BRWD1: variants seen among roughly 807,000 people sequenced by gnomAD.
The protein encoded by BRWD1 is bromodomain and WD repeat-containing protein 1.
Under a neutral mutation model 251.2 loss-of-function variants are expected in BRWD1, and 82 were observed. That is an observed-to-expected ratio of 0.33 (90% CI 0.27 to 0.39). The LOEUF is 0.39. Ranked by LOEUF, BRWD1 falls within the 10% of genes least tolerant of loss-of-function variation. The pLI is 1.00. For synonymous variants in BRWD1, 918 were observed against 902.8 expected (o/e 1.02, Z -0.30); for missense variants, 2,233 against 2,711.6 (o/e 0.82, Z 3.92).
Position 39,215,276 on chromosome 21 carries a change from G to A in BRWD1, c.3746C>T (p.Ser1249Leu), listed in dbSNP as rs771505478. ...AAGTTGGTCAGTTATCTTTTTAGCTGATCTTGCAATTACACTCTCAGGTTC... is the reference window on the plus strand; with the variant it reads ...AAGTTGGTCAGTTATCTTTTTAGCTAATCTTGCAATTACACTCTCAGGTTC... ...FNEPESVIAR[S>L]AKKITDQLLK... The change falls in exon 32 of 41, where the codon TCA becomes TTA. Residue 1249 changes from serine to leucine, a missense_variant. Physicochemically the swap from Ser to Leu is moderately radical, Grantham distance 145. Around this residue, in one of 12 missense-constraint regions of BRWD1, gnomAD observed 167 missense variants for 183.2 expected, o/e 0.91. Transcript: ENST00000342449. 2.5e-6 allele frequency: 4 copies of A among 1,612,274 alleles called. No individual in the cohort carries two copies. The highest frequency in any genetic ancestry group is 1.3e-5 in the African/African-American group (1 of 74,830).
chr21:39,290,371 C>T (rs180798039), intron 8 of BRWD1, among the ~76,000 whole-genome samples: 3 of 152,026 alleles, frequency 2.0e-5, no homozygotes, highest in Non-Finnish European at 2.9e-5. Flanking sequence ...TGCCTGTAGC[C>T]CCAGCTACTC....
At position 39,277,236 on chromosome 21, in the gene BRWD1, A is replaced by G; in HGVS notation, c.1104+15T>C. The G allele has an allele frequency of 6.4e-7, 1 of 1,573,578 alleles. No individual in the cohort carries two copies. The highest frequency in any genetic ancestry group is 8.7e-7 in the Non-Finnish European group (1 of 1,148,346). On this transcript the variant is annotated intron_variant, in intron 11 of 40. Transcript: ENST00000342449. ...TAACAATTAATCTAAAGGATTTTAA[A>G]ACGTGGATGCTTACAGTGTGGCTTT...
At chr21:39,226,574 C>T (rs2033392004) in intron 27 of BRWD1, among the ~76,000 whole-genome samples, 1 of 152,124 alleles carries the variant, frequency 6.6e-6, no homozygotes, top group South Asian at 2.1e-4. Context: ...ATCATAATAG[C>T]TGGGAAGCTT....
At chr21:39,298,925 CA>C (rs1277590763) in intron 4 of BRWD1, among the ~76,000 whole-genome samples, 1 of 152,140 alleles carries the variant, frequency 6.6e-6, no homozygotes, top group African/African-American at 2.4e-5. Context: ...AGACTTTACT[CA>C]AAATTGCACT....
upstream of BRWD1, chr21:39,313,640 C>A: frequency 5.9e-6 from 3 of 509,260 alleles, no homozygotes; most frequent in Non-Finnish European, 9.0e-6. Flanking sequence ...CCTGGACCGA[C>A]GCCTCCGCGG....
At chr21:39,229,224 A>G in intron 26 of BRWD1, 88 bp downstream of exon 26, 1 of 1,167,524 alleles carries the variant, frequency 8.6e-7, no homozygotes, top group Non-Finnish European at 1.2e-6. Flanking sequence ...GTTACCCTGG[A>G]GTTAAATGGG....
intron 29 of BRWD1, among the ~76,000 whole-genome samples, chr21:39,222,529 A>G (rs2146528523): frequency 6.6e-6 from 1 of 152,346 alleles, no homozygotes; most frequent in East Asian, 1.9e-4. Flanking sequence ...TGGACATAGG[A>G]GCCAACATGA....
At chr21:39,197,996 TATA>T (rs2031909287) in intron 40 of BRWD1, among the ~76,000 whole-genome samples, 2 of 152,186 alleles carry the variant, frequency 1.3e-5, no homozygotes, top group South Asian at 2.1e-4. Context: ...ATCTTGACAC[TATA>T]ATATTAACAT....
At chr21:39,233,117 G>C (rs2033682406) in intron 23 of BRWD1, among the ~76,000 whole-genome samples, 1 of 151,970 alleles carries the variant, frequency 6.6e-6, no homozygotes, top group African/African-American at 2.4e-5. Context: ...CAGCCAGCTT[G>C]AGTTGAAAAT....
chr21:39,196,715 TGA>T lies in BRWD1; in HGVS notation c.6352_6353del (p.Ser2118ThrfsTer16), dbSNP rs2031836454. ...TTACTTCCTTCTCTGCTGTTTCCTG[TGA>T]ATCATGAATCACTTTTGTCTTACTA... The part of the protein sequence containing the change: ...PFSKTKVIHD[S>X]QETAEKEVKR... On this transcript the variant is annotated frameshift_variant, in exon 41 of 41. Transcript: ENST00000342449. LOFTEE classifies it high-confidence loss of function. 1 of 1,613,784 alleles carries T rather than the reference TGA, an allele frequency of 6.2e-7. No homozygotes were observed. The highest frequency in any genetic ancestry group is 1.7e-5 in the Admixed American group (1 of 59,980).
intron 5 of BRWD1, chr21:39,297,386 A>T (rs1380618562): frequency 2.1e-5 from 21 of 985,264 alleles, no homozygotes; most frequent in Non-Finnish European, 2.5e-5. Context: ...ATACGCCCCT[A>T]CCCTAGGGCA....
At chr21:39,313,151 C>A in intron 2 of BRWD1, 50 bp from the exon 3 acceptor site, 1 of 1,493,112 alleles carries the variant, frequency 6.7e-7, no homozygotes, top group Non-Finnish European at 8.9e-7. Flanking sequence ...CCGGGGCGCT[C>A]CCGTTTCACC....
chr21:39,304,454 A>T (rs949319431), intron 4 of BRWD1, among the ~76,000 whole-genome samples: 23 of 151,680 alleles, frequency 1.5e-4, no homozygotes, highest in Non-Finnish European at 2.2e-4. Flanking sequence ...AGAAAAAAAA[A>T]TTTTTTTTAA....
At chr21:39,280,512 T>C (rs980837119) in intron 8 of BRWD1, among the ~76,000 whole-genome samples, 3 of 151,688 alleles carry the variant, frequency 2.0e-5, no homozygotes, top group African/African-American at 7.3e-5. Flanking sequence ...TACTAGATAT[T>C]AAAGCATATC....
chr21:39,291,084 CA>C (rs1312369970), intron 8 of BRWD1, among the ~76,000 whole-genome samples: 1 of 152,130 alleles, frequency 6.6e-6, no homozygotes, highest in Non-Finnish European at 1.5e-5. Context: ...ATGACTGCAC[CA>C]CAGCACTCCG....
Position 39,191,207 on chromosome 21 carries a change from G to C in BRWD1, c.*5052C>G. The C allele has an allele frequency of 5.1e-6, 5 of 985,220 alleles. No homozygotes were observed. Among genetic ancestry groups the C allele is most frequent in the Non-Finnish European group, 6.0e-6 (5 of 829,886 alleles). 61.0% of individuals were successfully genotyped at this position (985,220 alleles called of 1,614,324 possible). ...AAACCAGGCCACAGACAATCCAATG[G>C]CAAACCCCTTTTCCAGCAGGGCTCC... On this transcript the variant is annotated 3_prime_UTR_variant, in exon 41 of 41. Transcript: ENST00000342449.
chr21:39,311,257 T>C (rs977375467), intron 4 of BRWD1, among the ~76,000 whole-genome samples: 1 of 151,916 alleles, frequency 6.6e-6, no homozygotes, highest in Non-Finnish European at 1.5e-5. Context: ...AGCCTCAAAC[T>C]CCCAGAGTCA....
intron 17 of BRWD1, among the ~76,000 whole-genome samples, chr21:39,259,573 C>T (rs1210017054): frequency 6.6e-6 from 1 of 152,150 alleles, no homozygotes; most frequent in Non-Finnish European, 1.5e-5. Context: ...GCTGGGATTA[C>T]AGCCGGGGCG....
At chr21:39,276,332 T>C in intron 11 of BRWD1, 119 bp from the exon 12 acceptor site, 3 of 713,844 alleles carry the variant, frequency 4.2e-6, no homozygotes, top group Non-Finnish European at 6.5e-6. Context: ...TGCACTTGTG[T>C]TGCTTAGCCC....
Sources: allele counts gnomAD v4.1 joint callset (sites outside exome capture counted in the v4.1 genomes callset), GRCh38; gene constraint gnomAD v4.1.1; regional missense constraint gnomAD v4.1.1; transcripts MANE v1.5; gene names NCBI Gene and HGNC (gene_info 2026-07-23, HGNC 2026-07-21).